The following RAPGEFL1 variants were observed in gnomAD, a reference collection of about 807,000 sequenced individuals.
RAPGEFL1 encodes Rap guanine nucleotide exchange factor like 1, also known as rap guanine nucleotide exchange factor-like 1.
A neutral mutation model predicts 64.4 loss-of-function variants in RAPGEFL1; 31 were observed. That is an observed-to-expected ratio of 0.48 (90% CI 0.36 to 0.65). RAPGEFL1 has a LOEUF of 0.65. RAPGEFL1 is among the 30% of genes least tolerant of loss of function. RAPGEFL1 has a pLI of 0.00. For missense variants in RAPGEFL1, 682 were observed against 677.4 expected, an observed-to-expected ratio of 1.01 and a Z score of -0.08; for synonymous variants, 331 against 274.1, an observed-to-expected ratio of 1.21 and a Z score of -2.05.
At chr17:40,189,481 G>A (rs1990187757) in intron 6 of RAPGEFL1, 106 bp downstream of exon 6, 2 of 1,286,220 alleles carry the variant, frequency 1.6e-6, no homozygotes, top group East Asian at 2.3e-5. Flanking sequence ...GCTACTCAAA[G>A]TATGGTCCCG....
At chr17:40,182,241 A>G (rs904469102) in intron 2 of RAPGEFL1, among the ~76,000 whole-genome samples, 9 of 152,164 alleles carry the variant, frequency 5.9e-5, no homozygotes, top group African/African-American at 1.7e-4. Flanking sequence ...ATTAGCTGCT[A>G]TGAAGATCAG....
At position 40,183,522 on chromosome 17, in the gene RAPGEFL1, T is replaced by TCTTTTC. The variant is rs536572676; in HGVS notation, c.600-692_600-691insCTTTTC. On this transcript the variant is annotated intron_variant, in intron 2 of 14. Coordinates refer to ENST00000620260, the MANE Select transcript of RAPGEFL1 (RefSeq NM_016339.6). ...ATCTTTCTTTTCTTTTCTTTTCTTTTTTTTTTTTTTTTTTGAGATGGAGTT... is the reference window on the plus strand; with the variant it reads ...ATCTTTCTTTTCTTTTCTTTTCTTTTCTTTTCTTTTTTTTTTTTTTGAGATGGAGTT... Among the ~76,000 whole-genome samples, 480 of 135,130 alleles carry TCTTTTC rather than the reference T, an allele frequency of 3.6e-3. 2 individuals carry two copies. The highest frequency in any genetic ancestry group is 0.016 in the African/African-American group (455 of 28,866). The allele number at this position is 135,130 out of a possible 152,430, so 88.7% of individuals were successfully genotyped here. A position where few individuals can be genotyped will look rare whatever the true frequency, so the allele number is the denominator to read the frequency against.
chr17:40,178,302 C>T lies in RAPGEFL1; in HGVS notation c.441C>T (p.Ala147=), dbSNP rs1989785588. The T allele has an allele frequency of 1.4e-5, 9 of 631,364 alleles. No individual in the cohort carries two copies. The highest frequency in any genetic ancestry group is 2.6e-5 in the Non-Finnish European group (9 of 348,892). The allele number at this position is 631,364 out of a possible 1,614,324, so 39.1% of individuals were successfully genotyped here. ...CGCCGCCCTGGGCCCCTCTGGGCGC[C>T]CCCGAGCGGCCCGAGCATCTTCTGA... The part of the protein sequence containing the change: ...LTSPPWAPLG[A]PERPEHLLNR... Residue 147 remains alanine (A), a synonymous_variant, in exon 1 of 15, where the codon GCC becomes GCT. Coordinates refer to ENST00000620260, the MANE Select transcript of RAPGEFL1 (RefSeq NM_016339.6).
chr17:40,193,928 C>G lies in RAPGEFL1; in HGVS notation c.*140C>G. 1.7e-6 allele frequency: 2 copies of G among 1,179,752 alleles called. No homozygotes were observed. The highest frequency in any genetic ancestry group is 2.3e-6 in the Non-Finnish European group (2 of 851,948). The allele number at this position is 1,179,752 out of a possible 1,614,324, so 73.1% of individuals were successfully genotyped here. On this transcript the variant is annotated 3_prime_UTR_variant, in exon 15 of 15. Coordinates refer to ENST00000620260, the MANE Select transcript of RAPGEFL1 (RefSeq NM_016339.6). ...CGGGAAAGAGGTCGATGGATTTACC[C>G]CTGGACCCATAAGTCTGTTCATCCT...
At position 40,181,077 on chromosome 17, in the gene RAPGEFL1, A is replaced by G. The variant is rs546837827; in HGVS notation, c.521-539A>G. 5.3e-5 allele frequency among the ~76,000 whole-genome samples: 8 copies of G among 152,262 alleles called. No homozygotes were observed. The South Asian group carries it at 1.4e-3, about 28-fold the overall frequency. ...GGCCCCTAAAGGACACAGGATTTCTATTTAAAGGTTCTGGGATCAAAGTGA... is the reference window on the plus strand; with the variant it reads ...GGCCCCTAAAGGACACAGGATTTCTGTTTAAAGGTTCTGGGATCAAAGTGA... On this transcript the variant is annotated intron_variant, in intron 1 of 14. Transcript: ENST00000620260.
intron 2 of RAPGEFL1, among the ~76,000 whole-genome samples, chr17:40,183,580 C>T (rs1367870750): frequency 7.1e-6 from 1 of 141,544 alleles, no homozygotes; most frequent in Non-Finnish European, 1.5e-5. Context: ...AGTGCAATGG[C>T]CTGACCTCGG....
At chr17:40,184,758 T>C (rs1990011300) in intron 4 of RAPGEFL1, 80 bp downstream of exon 4, 4 of 788,944 alleles carry the variant, frequency 5.1e-6, no homozygotes, top group Non-Finnish European at 8.0e-6. Context: ...CTCTGGCCTA[T>C]TGGCTGCAAT....
At position 40,178,292 on chromosome 17, in the gene RAPGEFL1, C is replaced by A. The variant is rs1362055587; in HGVS notation, c.431C>A (p.Pro144His). 3 of 642,316 alleles carry A rather than the reference C, an allele frequency of 4.7e-6. No homozygotes were observed. Among genetic ancestry groups the A allele is most frequent in the Non-Finnish European group, 8.5e-6 (3 of 353,530 alleles). The allele number at this position is 642,316 out of a possible 1,614,324, so 39.8% of individuals were successfully genotyped here. A position where few individuals can be genotyped will look rare whatever the true frequency, so the allele number is the denominator to read the frequency against. Residue 144 changes from proline (P) to histidine (H), a missense_variant, in exon 1 of 15, where the codon CCT (proline) becomes CAT (histidine). Pro to His is a moderately conservative substitution (Grantham distance 77). Around this residue, in one of 2 missense-constraint regions of RAPGEFL1, gnomAD observed 271 missense variants for 158.0 expected, o/e 1.72. Coordinates refer to ENST00000620260, the MANE Select transcript of RAPGEFL1 (RefSeq NM_016339.6). Reference protein sequence around the residue: ...GEPLTSPPWAPLGAPERPEHL... With the variant: ...GEPLTSPPWAHLGAPERPEHL... Reference sequence around the variant, plus strand: ...CCCTTGACTTCGCCGCCCTGGGCCCCTCTGGGCGCCCCCGAGCGGCCCGAG... The same window carrying A: ...CCCTTGACTTCGCCGCCCTGGGCCCATCTGGGCGCCCCCGAGCGGCCCGAG...
chr17:40,186,429 G>A (rs561600414), intron 4 of RAPGEFL1, among the ~76,000 whole-genome samples: 152 of 150,762 alleles, frequency 1.0e-3, no homozygotes, highest in Admixed American at 3.5e-3. Flanking sequence ...TTAGCCGGGC[G>A]CGGTGGCGGG....
At position 40,177,517 on chromosome 17, in the gene RAPGEFL1, G is replaced by A. The variant is rs1294522403; in HGVS notation, c.-345G>A. The A allele has an allele frequency of 6.7e-6, 4 of 594,696 alleles. No individual in the cohort carries two copies. The highest frequency in any genetic ancestry group is 5.7e-5 in the African/African-American group (3 of 52,386). 36.8% of individuals were successfully genotyped at this position (594,696 alleles called of 1,614,324 possible). On this transcript the variant is annotated 5_prime_UTR_variant, in exon 1 of 15. Coordinates refer to ENST00000620260, the MANE Select transcript of RAPGEFL1 (RefSeq NM_016339.6). The stretch of plus-strand genomic sequence containing the variant: ...GAGCGCAGCCGCCGCCGCCGCCGCC[G>A]CCGCGTCCTCTCAGCCTTGCGCTCC...
intron 12 of RAPGEFL1, 55 bp from the exon 13 acceptor site, chr17:40,192,871 T>A: frequency 6.6e-7 from 1 of 1,514,664 alleles, no homozygotes; most frequent in Non-Finnish European, 9.2e-7. Flanking sequence ...CAGTGGCCCC[T>A]TTCGAACTCC....
intron 4 of RAPGEFL1, among the ~76,000 whole-genome samples, chr17:40,186,288 G>T (rs1206706026): frequency 6.7e-6 from 1 of 148,328 alleles, no homozygotes; most frequent in Admixed American, 6.7e-5. Flanking sequence ...AAAAAAAAAG[G>T]CCGGGCGCGG....
chr17:40,178,512 A>G, intron 1 of RAPGEFL1, 131 bp downstream of exon 1: 1 of 416,962 alleles, frequency 2.4e-6, no homozygotes. Context: ...GAAGCCGGCT[A>G]GGGGCCTAGC....
chr17:40,191,448 G>A lies in RAPGEFL1; in HGVS notation c.1468G>A (p.Gly490Ser). The A allele has an allele frequency of 1.9e-6, 3 of 1,607,562 alleles. No homozygotes were observed. The highest frequency in any genetic ancestry group is 2.5e-6 in the Non-Finnish European group (3 of 1,178,744). Reference protein sequence around the residue: ...ATEVLLCEAPGKRAQLLKKFI... With the variant: ...ATEVLLCEAPSKRAQLLKKFI... The stretch of plus-strand genomic sequence containing the variant: ...CGAAGTGCTGCTCTGCGAGGCCCCG[G>A]GCAAGCGCGCGCAGCTGCTCAAGAA... The change falls in exon 9 of 15, where the codon GGC (glycine) becomes AGC (serine). Residue 490 changes from glycine (G) to serine (S), a missense_variant. Gly to Ser is a moderately conservative substitution (Grantham distance 56). Around this residue, in one of 2 missense-constraint regions of RAPGEFL1, gnomAD observed 411 missense variants for 519.4 expected, o/e 0.79. Coordinates refer to ENST00000620260, the MANE Select transcript of RAPGEFL1 (RefSeq NM_016339.6). The surrounding 1 kb of genome is among the most constrained non-coding windows in gnomAD (Gnocchi z 5.1).
rs1171473191 is a variant in RAPGEFL1 at position 40,177,485 on chromosome 17, C to T, written c.-377C>T. 4 of 616,396 alleles carry T rather than the reference C, an allele frequency of 6.5e-6. No individual in the cohort carries two copies. The Admixed American group carries it at 8.1e-5, about 12-fold the overall frequency. 38.2% of individuals were successfully genotyped at this position (616,396 alleles called of 1,614,324 possible). On this transcript the variant is annotated 5_prime_UTR_variant, in exon 1 of 15. It adds an upstream start codon to the 5' untranslated region. Transcript: ENST00000620260. ...GGTTCTGCCACCTTCCCCCTCTTCACGGCCAGGAGCGCAGCCGCCGCCGCC... is the reference window on the plus strand; with the variant it reads ...GGTTCTGCCACCTTCCCCCTCTTCATGGCCAGGAGCGCAGCCGCCGCCGCC...
chr17:40,184,482 T>C, intron 3 of RAPGEFL1, 99 bp from the exon 4 acceptor site: 1 of 1,129,530 alleles, frequency 8.9e-7, no homozygotes, highest in Non-Finnish European at 1.3e-6. Context: ...TATATGGCTC[T>C]CCTGTGCTTA....
At chr17:40,183,588 C>T (rs1314911501) in intron 2 of RAPGEFL1, among the ~76,000 whole-genome samples, 13 of 142,480 alleles carry the variant, frequency 9.1e-5, no homozygotes, top group Non-Finnish European at 1.5e-4. Context: ...GGCCTGACCT[C>T]GGCTCACTGC....
intron 2 of RAPGEFL1, among the ~76,000 whole-genome samples, chr17:40,183,630 T>TTG (rs1182793749): frequency 1.3e-5 from 2 of 148,540 alleles, no homozygotes; most frequent in South Asian, 2.1e-4. Context: ...AGTGATTATC[T>TTG]TGCCTCAGCC....
chr17:40,181,142 C>T, intron 1 of RAPGEFL1: 1 of 363,344 alleles, frequency 2.8e-6, no homozygotes. Context: ...GGCTGGTTCC[C>T]ACCTGCCTAG....
Sources: gnomAD v4.1 joint callset for allele counts (sites outside exome capture counted in the v4.1 genomes callset) on GRCh38, gnomAD v4.1.1 for gene constraint, gnomAD v4.1.1 regional missense constraint, Gnocchi (gnomAD v3.1) non-coding constraint, MANE v1.5 for transcripts, NCBI Gene and HGNC (gene_info 2026-07-23, HGNC 2026-07-21) for gene names.